SPATA31F3: variants seen among roughly 807,000 people sequenced by gnomAD.
SPATA31F3 encodes protein SPATA31F3.
the SPATA31F3 span, chr9:34,895,480 CCCTTT>C: frequency 2.5e-6 from 1 of 397,888 alleles, no homozygotes; most frequent in Non-Finnish European, 4.4e-6. Context: ...GTGAGGAGAC[CCCTTT>C]AAAAAGCAAG....
chr9:34,893,070 G>T, the SPATA31F3 span: 1 of 973,866 alleles, frequency 1.0e-6, no homozygotes, highest in Non-Finnish European at 1.5e-6. Context: ...TTAATCTCCA[G>T]AGCCATAACA....
chr9:34,892,284 A>G, the SPATA31F3 span, among the ~76,000 whole-genome samples: 1 of 152,160 alleles, frequency 6.6e-6, no homozygotes, highest in Non-Finnish European at 1.5e-5. Context: ...AAAACCCTGA[A>G]AGCTTAGGTG....
the SPATA31F3 span, chr9:34,889,361 T>G: frequency 1.0e-5 from 4 of 398,618 alleles, 1 homozygote; most frequent in East Asian, 1.4e-4. Context: ...TAGAGCAGAT[T>G]ATTTAGGCAC....
the SPATA31F3 span, among the ~76,000 whole-genome samples, chr9:34,890,897 G>A: frequency 2.0e-5 from 3 of 152,148 alleles, no homozygotes; most frequent in Admixed American, 6.5e-5. Context: ...ACACTTGTAC[G>A]TTATCTACAC....
chr9:34,892,976 G>A, the SPATA31F3 span: 2 of 717,890 alleles, frequency 2.8e-6, no homozygotes, highest in Non-Finnish European at 4.9e-6. Flanking sequence ...ACTAGATGTG[G>A]ACAAAGCCTC....
chr9:34,894,439 A>G, the SPATA31F3 span: 1 of 398,598 alleles, frequency 2.5e-6, no homozygotes. Flanking sequence ...AGAAGAGATT[A>G]CCTTTTCATG....
chr9:34,892,434 G>T, the SPATA31F3 span, among the ~76,000 whole-genome samples: 1 of 152,184 alleles, frequency 6.6e-6, no homozygotes, highest in Non-Finnish European at 1.5e-5. Context: ...ATTAGAAGTG[G>T]TGTGGTATAA....
chr9:34,891,274 CA>C, the SPATA31F3 span, among the ~76,000 whole-genome samples: 21 of 152,270 alleles, frequency 1.4e-4, no homozygotes, highest in Admixed American at 1.4e-3. Flanking sequence ...TTTCAGAGGA[CA>C]GGGGCGCCAA....
the SPATA31F3 span, chr9:34,895,665 A>T: frequency 2.5e-6 from 1 of 403,552 alleles, no homozygotes. Flanking sequence ...ATGCAGATGG[A>T]TCCATAGGTG....
At chr9:34,893,529 A>G in the SPATA31F3 span, among the ~76,000 whole-genome samples, 1 of 151,974 alleles carries the variant, frequency 6.6e-6, no homozygotes, top group Non-Finnish European at 1.5e-5. Flanking sequence ...TGAACCTGGG[A>G]GACGGAGCTT....
chr9:34,889,452 G>A, the SPATA31F3 span: 2 of 398,514 alleles, frequency 5.0e-6, 1 homozygote, highest in Admixed American at 8.8e-5. Context: ...CTTCTGTGTT[G>A]TAGCTCCCCA....
At chr9:34,891,023 C>A in the SPATA31F3 span, among the ~76,000 whole-genome samples, 6 of 152,172 alleles carry the variant, frequency 3.9e-5, no homozygotes, top group Non-Finnish European at 8.8e-5. Context: ...TGAGTGATTG[C>A]CTGGGCCACA....
the SPATA31F3 span, among the ~76,000 whole-genome samples, chr9:34,890,656 A>G: frequency 6.6e-6 from 1 of 152,214 alleles, no homozygotes; most frequent in Non-Finnish European, 1.5e-5. Context: ...TTGGTTTAGC[A>G]ATCTTTAGAC....
At chr9:34,893,789 C>G in the SPATA31F3 span, among the ~76,000 whole-genome samples, 1 of 152,078 alleles carries the variant, frequency 6.6e-6, no homozygotes, top group Non-Finnish European at 1.5e-5. Context: ...GAGAACGGAG[C>G]CAGGCGGTTA....
the SPATA31F3 span, among the ~76,000 whole-genome samples, chr9:34,890,289 C>T: frequency 5.9e-5 from 9 of 152,186 alleles, no homozygotes; most frequent in African/African-American, 2.2e-4. Flanking sequence ...TCTGTGATTT[C>T]CAGCTGCTTT....
chr9:34,891,523 TC>T, the SPATA31F3 span, among the ~76,000 whole-genome samples: 1 of 152,138 alleles, frequency 6.6e-6, no homozygotes, highest in South Asian at 2.1e-4. Flanking sequence ...CCCACATAGG[TC>T]AGGGCTGTAC....
the SPATA31F3 span, among the ~76,000 whole-genome samples, chr9:34,891,436 C>T: frequency 3.9e-5 from 6 of 152,170 alleles, no homozygotes; most frequent in Non-Finnish European, 7.3e-5. Context: ...GAAACAATTG[C>T]GGACTGGCCC....
the SPATA31F3 span, among the ~76,000 whole-genome samples, chr9:34,891,441 T>TGGCCCCAC: frequency 6.6e-6 from 1 of 152,216 alleles, no homozygotes; most frequent in Non-Finnish European, 1.5e-5. Flanking sequence ...AATTGCGGAC[T>TGGCCCCAC]GGCCCTCCTG....
the SPATA31F3 span, among the ~76,000 whole-genome samples, chr9:34,890,073 T>C: frequency 6.6e-6 from 1 of 152,310 alleles, no homozygotes; most frequent in East Asian, 1.9e-4. Flanking sequence ...GCTCCGCAGA[T>C]CCAGACAGAT....
Sources: gnomAD v4.1 joint callset for allele counts (sites outside exome capture counted in the v4.1 genomes callset) on GRCh38, gnomAD v4.1.1 for gene constraint, MANE v1.5 for transcripts, NCBI Gene and HGNC (gene_info 2026-07-23, HGNC 2026-07-21) for gene names.